PLD5: variants seen among roughly 807,000 people sequenced by gnomAD.
The protein encoded by PLD5 is inactive phospholipase D5.
Under a neutral mutation model 61.1 loss-of-function variants are expected in PLD5, and 36 were observed. That is an observed-to-expected ratio of 0.59 (90% CI 0.45 to 0.78). PLD5 has a LOEUF of 0.78. Among genes scored for constraint, PLD5 ranks in the 30% least tolerant of loss-of-function variants. PLD5 has a pLI of 0.00. For synonymous variants in PLD5, 243 were observed against 242.8 expected (o/e 1.00, Z -0.01); for missense variants, 515 against 644.4 (o/e 0.80, Z 2.17).
At chr1:242,329,722 C>T (rs1352845435) in intron 2 of PLD5, among the ~76,000 whole-genome samples, 1 of 152,164 alleles carries the variant, frequency 6.6e-6, no homozygotes, top group Non-Finnish European at 1.5e-5. Context: ...GAGTCCTCTA[C>T]ACCTTATGCA....
At chr1:242,376,768 TACG>T (rs1558508902) in intron 1 of PLD5, among the ~76,000 whole-genome samples, 1 of 152,204 alleles carries the variant, frequency 6.6e-6, no homozygotes, top group Non-Finnish European at 1.5e-5. Flanking sequence ...CGAGGATATA[TACG>T]ACGAGGTGAA....
intron 4 of PLD5, among the ~76,000 whole-genome samples, chr1:242,226,709 A>C (rs1670967255): frequency 6.6e-6 from 1 of 152,200 alleles, no homozygotes; most frequent in South Asian, 2.1e-4. Context: ...AATGTTAAAA[A>C]TCAGGAAACT....
intron 2 of PLD5, among the ~76,000 whole-genome samples, chr1:242,298,155 A>G (rs565229602): frequency 1.8e-4 from 27 of 152,152 alleles, no homozygotes; most frequent in African/African-American, 6.3e-4. Context: ...GCTGCAGAGG[A>G]CATGATAGTG....
chr1:242,367,205 C>T (rs912763295), intron 1 of PLD5, among the ~76,000 whole-genome samples: 1 of 151,974 alleles, frequency 6.6e-6, no homozygotes, highest in Non-Finnish European at 1.5e-5. Context: ...AAAAGGAGTA[C>T]CACCTATGGA....
At chr1:242,328,280 TA>T (rs1658924351) in intron 2 of PLD5, among the ~76,000 whole-genome samples, 2 of 151,670 alleles carry the variant, frequency 1.3e-5, no homozygotes. Flanking sequence ...ACATATATAT[TA>T]TATATATGTA....
chr1:242,218,896 T>C (rs1036868434), intron 5 of PLD5, among the ~76,000 whole-genome samples: 1 of 152,166 alleles, frequency 6.6e-6, no homozygotes, highest in South Asian at 2.1e-4. Context: ...TGGAATGAGG[T>C]TATACTCTTT....
At chr1:242,125,628 G>A (rs895391464) in intron 5 of PLD5, among the ~76,000 whole-genome samples, 8 of 152,130 alleles carry the variant, frequency 5.3e-5, no homozygotes, top group African/African-American at 1.9e-4. Flanking sequence ...AAAAATACAT[G>A]CTTTCTATGA....
chr1:242,114,113 G>T (rs1023731765), intron 6 of PLD5, 87 bp from the exon 7 acceptor site: 3 of 1,436,714 alleles, frequency 2.1e-6, no homozygotes, highest in Non-Finnish European at 9.4e-7. Flanking sequence ...ACGGACCTTG[G>T]CTTGTAACTA....
chr1:242,196,243 T>C (rs2148943779), intron 5 of PLD5, among the ~76,000 whole-genome samples: 1 of 152,330 alleles, frequency 6.6e-6, no homozygotes, highest in African/African-American at 2.4e-5. Flanking sequence ...GTAGTGTCTG[T>C]GTTTACACAT....
chr1:242,523,434 A>T (rs1669342572), intron 1 of PLD5, among the ~76,000 whole-genome samples: 2 of 151,766 alleles, frequency 1.3e-5, no homozygotes, highest in Non-Finnish European at 2.9e-5. Context: ...TTGGGAGTAG[A>T]GGTCCCCTCT....
intron 1 of PLD5, among the ~76,000 whole-genome samples, chr1:242,418,611 T>A (rs1057307042): frequency 1.3e-5 from 2 of 152,130 alleles, no homozygotes; most frequent in African/African-American, 4.8e-5. Flanking sequence ...AAAGTGCTTC[T>A]GGGAAGAGGG....
At chr1:242,103,585 G>C (rs577996085) in intron 8 of PLD5, among the ~76,000 whole-genome samples, 1 of 152,134 alleles carries the variant, frequency 6.6e-6, no homozygotes, top group African/African-American at 2.4e-5. Flanking sequence ...TCTGTGAAAA[G>C]GTATTGAACA....
In PLD5 at chr1:242,478,632, C is replaced by T. The variant is rs569082655; in HGVS notation, c.189+45456G>A. Among the ~76,000 whole-genome samples the T allele has an allele frequency of 1.3e-4, 20 of 152,302 alleles. No individual in the cohort carries two copies. The South Asian group carries it at 4.2e-3, about 32-fold the overall frequency. On this transcript the variant is annotated intron_variant, in intron 1 of 9. Transcript: ENST00000536534. Reference sequence around the variant, plus strand: ...CATCATCTGTGTAGGTCAATCACTTCGCAAGGAGCACCAAGTCCCATTTGT... The same window carrying T: ...CATCATCTGTGTAGGTCAATCACTTTGCAAGGAGCACCAAGTCCCATTTGT...
chr1:242,259,846 A>G (rs1487588499), intron 4 of PLD5, among the ~76,000 whole-genome samples: 1 of 152,250 alleles, frequency 6.6e-6, no homozygotes, highest in Non-Finnish European at 1.5e-5. Flanking sequence ...TTTCAATTTA[A>G]TTGCAACAGT....
intron 6 of PLD5, among the ~76,000 whole-genome samples, chr1:242,119,656 T>A (rs1026528010): frequency 6.6e-6 from 1 of 152,134 alleles, no homozygotes; most frequent in African/African-American, 2.4e-5. Flanking sequence ...CTAGTAGAGC[T>A]AAAATAAGAC....
intron 1 of PLD5, among the ~76,000 whole-genome samples, chr1:242,445,657 T>A (rs1212397152): frequency 1.3e-5 from 2 of 152,114 alleles, no homozygotes; most frequent in Non-Finnish European, 2.9e-5. Flanking sequence ...CTGTTGCTTT[T>A]CTGTTATCCA....
intron 2 of PLD5, among the ~76,000 whole-genome samples, chr1:242,346,057 A>G (rs1230492689): frequency 2.9e-5 from 3 of 104,764 alleles, no homozygotes; most frequent in African/African-American, 1.1e-4. Flanking sequence ...TTTATATCAC[A>G]TATATATGAT....
chr1:242,477,826 C>T (rs969010940), intron 1 of PLD5, among the ~76,000 whole-genome samples: 1 of 152,096 alleles, frequency 6.6e-6, no homozygotes, highest in African/African-American at 2.4e-5. Context: ...GAAATGGCAG[C>T]GGTCTGAATT....
intron 1 of PLD5, among the ~76,000 whole-genome samples, chr1:242,389,006 G>A (rs1662764254): frequency 6.7e-6 from 1 of 149,892 alleles, no homozygotes; most frequent in Non-Finnish European, 1.5e-5. Flanking sequence ...ATATAACCAA[G>A]ATTGCGCCAC....
Sources: allele counts gnomAD v4.1 joint callset (sites outside exome capture counted in the v4.1 genomes callset), GRCh38; gene constraint gnomAD v4.1.1; transcripts MANE v1.5; gene names NCBI Gene and HGNC (gene_info 2026-07-23, HGNC 2026-07-21).